Variants in NAALADL2 observed in about 807,000 individuals in gnomAD.
The protein encoded by NAALADL2 is N-acetylated alpha-linked acidic dipeptidase like 2, also known as inactive N-acetylated-alpha-linked acidic dipeptidase-like protein 2.
Under a neutral mutation model 87.2 loss-of-function variants are expected in NAALADL2, and 76 were observed. The observed-to-expected ratio is 0.87, with a 90% confidence interval of 0.72 to 1.05. The LOEUF is 1.05. Among genes scored for constraint, NAALADL2 ranks in the 50% least tolerant of loss-of-function variants. The pLI, the probability that NAALADL2 is intolerant of heterozygous loss-of-function variation, is 0.00. For synonymous variants in NAALADL2, 354 were observed against 331.0 expected (o/e 1.07, Z -0.75); for missense variants, 1,089 against 945.8 (o/e 1.15, Z -1.99).
intron 5 of NAALADL2, among the ~76,000 whole-genome samples, chr3:175,361,371 G>A (rs1409807987): frequency 6.8e-6 from 1 of 147,922 alleles, no homozygotes; most frequent in Non-Finnish European, 1.5e-5. Context: ...TAATCCTTTG[G>A]GTATATACCC....
intron 9 of NAALADL2, among the ~76,000 whole-genome samples, chr3:175,541,688 G>A (rs1292950831): frequency 6.6e-6 from 1 of 151,942 alleles, no homozygotes; most frequent in Non-Finnish European, 1.5e-5. Context: ...ATACCCTAAG[G>A]CCAATATTTG....
chr3:175,625,726 T>C (rs1016491810), intron 10 of NAALADL2, among the ~76,000 whole-genome samples: 2 of 151,982 alleles, frequency 1.3e-5, no homozygotes, highest in African/African-American at 2.4e-5. Context: ...AGGTCTACCA[T>C]TTATTCATGG....
intron 13 of NAALADL2, among the ~76,000 whole-genome samples, chr3:175,789,450 C>T (rs1393112972): frequency 1.3e-5 from 2 of 152,120 alleles, no homozygotes; most frequent in Non-Finnish European, 2.9e-5. Context: ...AGAATCATCT[C>T]ACAGACTACC....
intron 3 of NAALADL2, among the ~76,000 whole-genome samples, chr3:174,791,834 TTATTC>T (rs1456707519): frequency 1.3e-5 from 2 of 152,188 alleles, no homozygotes; most frequent in East Asian, 1.9e-4. Context: ...ACAAAAATCA[TTATTC>T]TATTCATTGA....
chr3:174,645,296 C>T (rs1049234811), intron 2 of NAALADL2, among the ~76,000 whole-genome samples: 1 of 152,150 alleles, frequency 6.6e-6, no homozygotes, highest in Admixed American at 6.5e-5. Flanking sequence ...TGAAATACTG[C>T]GTGGCCACGG....
chr3:174,986,466 A>G (rs1174109543), intron 1 of NAALADL2, among the ~76,000 whole-genome samples: 1 of 151,598 alleles, frequency 6.6e-6, no homozygotes, highest in Non-Finnish European at 1.5e-5. Flanking sequence ...TCTTTCATTT[A>G]TTTCTCATAG....
intron 3 of NAALADL2, among the ~76,000 whole-genome samples, chr3:174,833,908 T>C (rs1723021980): frequency 6.6e-6 from 1 of 150,840 alleles, no homozygotes; most frequent in Admixed American, 6.6e-5. Context: ...TTTCTCACTC[T>C]GAATATGGGC....
chr3:175,206,569 A>AG (rs398092006), intron 2 of NAALADL2, among the ~76,000 whole-genome samples: 27 of 126,748 alleles, frequency 2.1e-4, no homozygotes, highest in African/African-American at 8.3e-4. Flanking sequence ...GAAGAGTGGG[A>AG]GGGGGGCGAA....
intron 7 of NAALADL2, among the ~76,000 whole-genome samples, chr3:175,463,697 C>CG (rs199840010): frequency 6.5e-5 from 7 of 107,408 alleles, no homozygotes; most frequent in African/African-American, 3.4e-4. Context: ...AAATCTTAGT[C>CG]GGGGGAGAGA....
At chr3:175,636,696 TAA>T (rs529189291) in intron 11 of NAALADL2, among the ~76,000 whole-genome samples, 15 of 82,406 alleles carry the variant, frequency 1.8e-4, no homozygotes, top group African/African-American at 2.2e-4. Flanking sequence ...AGACTCCATC[TAA>T]AAAAAAAAAA....
chr3:174,730,666 T>G (rs1264547943), intron 2 of NAALADL2, among the ~76,000 whole-genome samples: 2 of 152,128 alleles, frequency 1.3e-5, no homozygotes, highest in Admixed American at 6.6e-5. Flanking sequence ...TAGTTTATTC[T>G]TATTGATTGA....
Position 174,992,255 on chromosome 3 carries a change from T to C in NAALADL2, c.44-104535T>C, listed in dbSNP as rs191828804. On this transcript the variant is annotated intron_variant, in intron 1 of 13. Transcript: ENST00000454872. Reference sequence around the variant, plus strand: ...AGTTTTACCTACACACAGTTGAAGATTGAATTTTCTGTTACTGTAGAATAA... The same window carrying C: ...AGTTTTACCTACACACAGTTGAAGACTGAATTTTCTGTTACTGTAGAATAA... Among the ~76,000 whole-genome samples, 37 of 152,204 alleles carry C rather than the reference T, an allele frequency of 2.4e-4. 1 individual carries two copies. The East Asian group carries it at 6.2e-3, about 25-fold the overall frequency.
At chr3:175,367,103 T>C (rs921256879) in intron 5 of NAALADL2, among the ~76,000 whole-genome samples, 1 of 151,236 alleles carries the variant, frequency 6.6e-6, no homozygotes, top group African/African-American at 2.4e-5. Flanking sequence ...CCAGCACCAT[T>C]TATTAAATAG....
At chr3:175,439,213 G>C (rs1232133084) in intron 5 of NAALADL2, among the ~76,000 whole-genome samples, 1 of 151,988 alleles carries the variant, frequency 6.6e-6, no homozygotes, top group African/African-American at 2.4e-5. Context: ...GTATTCCGTG[G>C]TATACACATA....
chr3:174,650,750 A>G (rs1315967075), intron 2 of NAALADL2, among the ~76,000 whole-genome samples: 1 of 151,638 alleles, frequency 6.6e-6, no homozygotes, highest in Non-Finnish European at 1.5e-5. Context: ...GAGACATATT[A>G]GGATGTAGAA....
chr3:175,475,226 A>G (rs1190441041), intron 9 of NAALADL2, among the ~76,000 whole-genome samples: 4 of 151,970 alleles, frequency 2.6e-5, no homozygotes, highest in African/African-American at 9.7e-5. Flanking sequence ...CTTTTTTGTA[A>G]TTTTATTTCC....
intron 1 of NAALADL2, among the ~76,000 whole-genome samples, chr3:174,501,830 G>T (rs1381497422): frequency 6.6e-6 from 1 of 151,504 alleles, no homozygotes; most frequent in Non-Finnish European, 1.5e-5. Context: ...TGTTCTCCAC[G>T]TAATTCTTTC....
At chr3:175,519,634 T>C (rs980478497) in intron 9 of NAALADL2, among the ~76,000 whole-genome samples, 5 of 152,188 alleles carry the variant, frequency 3.3e-5, no homozygotes, top group African/African-American at 1.2e-4. Context: ...ACTTGTACAT[T>C]AATCATGATG....
intron 1 of NAALADL2, among the ~76,000 whole-genome samples, chr3:174,863,202 C>T (rs553637299): frequency 6.6e-6 from 1 of 152,268 alleles, no homozygotes; most frequent in Non-Finnish European, 1.5e-5. Context: ...CGTCTCTAAC[C>T]TGCTGCTCAA....
Sources: gnomAD v4.1 joint callset for allele counts (sites outside exome capture counted in the v4.1 genomes callset) on GRCh38, gnomAD v4.1.1 for gene constraint, MANE v1.5 for transcripts, NCBI Gene and HGNC (gene_info 2026-07-23, HGNC 2026-07-21) for gene names.